The following TLN2 variants were observed in gnomAD, a reference collection of about 807,000 sequenced individuals.
TLN2 encodes the protein talin 2.
In TLN2, 118 loss-of-function variants were observed where a neutral mutation model predicts 294.7. That is an observed-to-expected ratio of 0.40 (90% CI 0.34 to 0.47). The LOEUF is 0.47. Ranked by LOEUF, TLN2 falls within the 20% of genes least tolerant of loss-of-function variation. The probability of loss-of-function intolerance (pLI) is 0.84; values close to 1 mark genes in which losing one functional copy is unlikely to be tolerated. For synonymous variants in TLN2, 1,431 were observed against 1,304.5 expected (o/e 1.10, Z -2.09); for missense variants, 3,083 against 3,282.2 (o/e 0.94, Z 1.48).
chr15:62,805,087 T>A (rs144824060), intron 50 of TLN2, among the ~76,000 whole-genome samples: 1 of 152,308 alleles, frequency 6.6e-6, no homozygotes, highest in Non-Finnish European at 1.5e-5. Flanking sequence ...TATGCAGTTA[T>A]ATTTATAAGA....
In TLN2 at chr15:62,840,491, G is replaced by A. The variant is rs760952896; in HGVS notation, c.7510G>A (p.Ala2504Thr). ...GTTGCTTTCTTTCTAGATCATCGCC[G>A]CCCAGGAAGAAATGCTAAAGAAAGA... ...FVGGIAQIIAAQEEMLKKERE... is the reference protein window; with the variant it reads ...FVGGIAQIIATQEEMLKKERE... The change falls in exon 59 of 59, where the codon GCC becomes ACC. Residue 2504 changes from alanine to threonine, a missense_variant. Transcript: ENST00000636159. 19 of 1,613,918 alleles carry A rather than the reference G, an allele frequency of 1.2e-5. No homozygotes were observed. The African/African-American group carries it at 1.3e-4, about 11-fold the overall frequency.
intron 11 of TLN2, among the ~76,000 whole-genome samples, chr15:62,680,691 A>G (rs2056748394): frequency 6.6e-6 from 1 of 151,978 alleles, no homozygotes. Context: ...CAAGCAGTGT[A>G]CATTATACTT....
At chr15:62,550,391 T>C (rs1416239923) in intron 1 of TLN2, among the ~76,000 whole-genome samples, 1 of 152,246 alleles carries the variant, frequency 6.6e-6, no homozygotes, top group Non-Finnish European at 1.5e-5. Context: ...ATTCTTAGTC[T>C]GCAAGTCGGC....
intron 1 of TLN2, among the ~76,000 whole-genome samples, chr15:62,461,612 C>A (rs2140341461): frequency 6.6e-6 from 1 of 152,356 alleles, no homozygotes; most frequent in East Asian, 1.9e-4. Flanking sequence ...GGGCCAGGCT[C>A]TGGCTCAGGC....
intron 3 of TLN2, among the ~76,000 whole-genome samples, chr15:62,625,119 G>A (rs549474769): frequency 6.6e-5 from 10 of 152,298 alleles, no homozygotes; most frequent in Admixed American, 2.6e-4. Context: ...GGGAAGTAGC[G>A]TGAGGACCCA....
At chr15:62,733,919 T>C (rs1054528203) in intron 28 of TLN2, 2 of 152,246 alleles carry the variant, frequency 1.3e-5, no homozygotes, top group African/African-American at 2.4e-5. Context: ...TCTGATCCTG[T>C]AGTGATGACC....
intron 1 of TLN2, among the ~76,000 whole-genome samples, chr15:62,554,219 G>T (rs1228853073): frequency 6.6e-6 from 1 of 151,538 alleles, no homozygotes; most frequent in Non-Finnish European, 1.5e-5. Flanking sequence ...CCTCACTGTG[G>T]CAGGAGAAAA....
At chr15:62,655,915 G>C in intron 7 of TLN2, 29 bp from the exon 8 acceptor site, 1 of 1,612,012 alleles carries the variant, frequency 6.2e-7, no homozygotes, top group Non-Finnish European at 8.5e-7. Context: ...AATAAACACA[G>C]TTCTCTTATA....
intron 3 of TLN2, chr15:62,640,314 A>G (rs1310257044): frequency 1.8e-5 from 8 of 455,918 alleles, no homozygotes; most frequent in East Asian, 6.9e-5. Flanking sequence ...CAGCCATCCA[A>G]AATTGGGCAC....
At chr15:62,442,314 G>A (rs963312333) in intron 1 of TLN2, among the ~76,000 whole-genome samples, 1 of 151,838 alleles carries the variant, frequency 6.6e-6, no homozygotes, top group African/African-American at 2.4e-5. Flanking sequence ...GGCCAACATG[G>A]TGAAACCCCG....
rs567431352 is a variant in TLN2, at chr15:62,663,460, T to G, written c.788+5562T>G. ...AGTGCAATAAGGAAAGAAAAAGAGC[T>G]AAACCATATCAGGATTGAACAAACT... is the stretch of plus-strand genomic sequence containing the variant. On this transcript the variant is annotated intron_variant, in intron 9 of 58. Coordinates refer to ENST00000636159, the MANE Select transcript of TLN2 (RefSeq NM_015059.3). Among the ~76,000 whole-genome samples, 9 of 151,422 alleles carry G rather than the reference T, an allele frequency of 5.9e-5. No individual in the cohort carries two copies. In the South Asian group the frequency reaches 1.7e-3, roughly 28 times the overall value.
chr15:62,469,889 C>A (rs1449150498), intron 1 of TLN2, among the ~76,000 whole-genome samples: 2 of 152,142 alleles, frequency 1.3e-5, no homozygotes, highest in East Asian at 3.8e-4. Context: ...ATTTTGCCAT[C>A]TTTCCTGAGC....
intron 1 of TLN2, among the ~76,000 whole-genome samples, chr15:62,528,024 T>C (rs538676557): frequency 6.6e-6 from 1 of 152,312 alleles, no homozygotes; most frequent in African/African-American, 2.4e-5. Context: ...AGATAACCAC[T>C]GTTAACATTT....
chr15:62,495,005 T>C (rs1411566508), intron 1 of TLN2, among the ~76,000 whole-genome samples: 2 of 152,196 alleles, frequency 1.3e-5, no homozygotes, highest in African/African-American at 2.4e-5. Context: ...TGATGCACGA[T>C]GTGGAGCTGG....
intron 2 of TLN2, 147 bp downstream of exon 2, chr15:62,589,909 C>T (rs1019680885): frequency 4.6e-5 from 7 of 152,258 alleles, no homozygotes; most frequent in Admixed American, 3.3e-4. Flanking sequence ...TGAAGAGTGC[C>T]CGGTCCTAAT....
At chr15:62,800,613 G>A (rs1184421019) in intron 49 of TLN2, 40 bp from the exon 50 acceptor site, 3 of 1,612,440 alleles carry the variant, frequency 1.9e-6, no homozygotes, top group African/African-American at 2.7e-5. Flanking sequence ...CTGGACCTGA[G>A]TCACTGCACT....
intron 1 of TLN2, among the ~76,000 whole-genome samples, chr15:62,526,039 TG>T (rs2040720746): frequency 6.6e-6 from 1 of 152,202 alleles, no homozygotes; most frequent in Non-Finnish European, 1.5e-5. Flanking sequence ...ATGATGTGGT[TG>T]GTCATGTAGA....
chr15:62,577,856 C>T (rs955551104), intron 1 of TLN2, among the ~76,000 whole-genome samples: 1 of 152,156 alleles, frequency 6.6e-6, no homozygotes. Flanking sequence ...CTCCTACTAC[C>T]TAACAGGCCC....
chr15:62,602,914 A>T (rs2047119680), intron 2 of TLN2, among the ~76,000 whole-genome samples: 2 of 147,234 alleles, frequency 1.4e-5, no homozygotes, highest in South Asian at 2.1e-4. Context: ...ATTTTTTGAG[A>T]CTGAGTCTCG....
Sources: allele counts gnomAD v4.1 joint callset (sites outside exome capture counted in the v4.1 genomes callset), GRCh38; gene constraint gnomAD v4.1.1; transcripts MANE v1.5; gene names NCBI Gene and HGNC (gene_info 2026-07-23, HGNC 2026-07-21).